The following PSD3 variants were observed in gnomAD, a reference collection of about 807,000 sequenced individuals.
The protein encoded by PSD3 is pleckstrin and Sec7 domain containing 3.
Under a neutral mutation model 105.5 loss-of-function variants are expected in PSD3, and 49 were observed. The observed-to-expected ratio is 0.46, with a 90% CI of 0.37 to 0.59. The LOEUF is 0.59. Among genes scored for constraint, PSD3 ranks in the 20% least tolerant of loss-of-function variants. The pLI is 0.00. For synonymous variants in PSD3, 557 were observed against 457.8 expected (o/e 1.22, Z -2.77); for missense variants, 1,561 against 1,263.8 (o/e 1.24, Z -3.57).
chr8:18,728,445 C>T (rs1025962844), intron 9 of PSD3, among the ~76,000 whole-genome samples: 4 of 152,108 alleles, frequency 2.6e-5, no homozygotes, highest in Admixed American at 2.0e-4. Context: ...GGACAGCTAA[C>T]GGAAGACTTG....
At chr8:18,984,093 A>G in intron 1 of PSD3, among the ~76,000 whole-genome samples, 1 of 151,532 alleles carries the variant, frequency 6.6e-6, no homozygotes, top group East Asian at 1.9e-4. Context: ...AAATATCGCA[A>G]GAATTACAAA....
At chr8:18,675,136 T>C (rs1398545906) in intron 9 of PSD3, among the ~76,000 whole-genome samples, 1 of 152,206 alleles carries the variant, frequency 6.6e-6, no homozygotes, top group Non-Finnish European at 1.5e-5. Flanking sequence ...TACGTCTAGT[T>C]AGGTAGGACC....
intron 1 of PSD3, among the ~76,000 whole-genome samples, chr8:19,022,995 A>T (rs1468636761): frequency 6.6e-6 from 1 of 151,924 alleles, no homozygotes; most frequent in East Asian, 1.9e-4. Context: ...ATCTTCTCAT[A>T]CTTCTTAGCT....
intron 4 of PSD3, among the ~76,000 whole-genome samples, chr8:18,857,114 G>T (rs1816073031): frequency 6.6e-6 from 1 of 152,168 alleles, no homozygotes; most frequent in South Asian, 2.1e-4. Flanking sequence ...CAGGTTCACA[G>T]CCAGGAGCAC....
chr8:18,543,362 C>CCCAG (rs2129993212), intron 15 of PSD3, among the ~76,000 whole-genome samples: 1 of 152,286 alleles, frequency 6.6e-6, no homozygotes, highest in South Asian at 2.1e-4. Flanking sequence ...CACCTGTAAT[C>CCCAG]CCAGCACTTT....
intron 15 of PSD3, among the ~76,000 whole-genome samples, chr8:18,552,868 C>T (rs931859419): frequency 1.3e-5 from 2 of 152,150 alleles, no homozygotes; most frequent in Admixed American, 6.5e-5. Context: ...AGAGCCCATT[C>T]TGAGTAAAGT....
intron 1 of PSD3, among the ~76,000 whole-genome samples, chr8:19,030,708 C>T (rs182165566): frequency 8.3e-4 from 126 of 152,220 alleles, no homozygotes; most frequent in Non-Finnish European, 1.2e-3. Context: ...TTTTTAATTA[C>T]CGTTTATCAT....
rs796441059 is a variant in PSD3 at position 18,997,907 on chromosome 8, T to G, written c.21+15656A>C. Among the ~76,000 whole-genome samples, 36 of 152,166 alleles carry G rather than the reference T, an allele frequency of 2.4e-4. 1 individual carries two copies. Among genetic ancestry groups the G allele is most frequent in the African/African-American group, 8.7e-4 (36 of 41,500 alleles). On this transcript the variant is annotated intron_variant, in intron 1 of 15. Transcript: ENST00000327040. ...TATTTTTCCCTGAAGGGCTTCACAC[T>G]GTCAACATACTACACACACGCACAT... is the stretch of plus-strand genomic sequence containing the variant.
At chr8:18,783,060 A>C (rs1027972733) in intron 8 of PSD3, among the ~76,000 whole-genome samples, 1 of 152,162 alleles carries the variant, frequency 6.6e-6, no homozygotes, top group Non-Finnish European at 1.5e-5. Flanking sequence ...GAAGGGTGTA[A>C]AAAAACTGAT....
At chr8:18,712,869 C>T (rs1802340393) in intron 9 of PSD3, among the ~76,000 whole-genome samples, 1 of 152,094 alleles carries the variant, frequency 6.6e-6, no homozygotes, top group African/African-American at 2.4e-5. Flanking sequence ...TGGTGAACAC[C>T]AGTGCAAAAA....
chr8:18,651,145 T>C (rs1808442988), intron 10 of PSD3, among the ~76,000 whole-genome samples: 1 of 152,210 alleles, frequency 6.6e-6, no homozygotes, highest in Non-Finnish European at 1.5e-5. Flanking sequence ...TCAGCTGAAC[T>C]AGGCATAATA....
chr8:18,711,408 G>C (rs1214402699), intron 9 of PSD3, among the ~76,000 whole-genome samples: 3 of 152,150 alleles, frequency 2.0e-5, no homozygotes, highest in South Asian at 2.1e-4. Flanking sequence ...CACACGCAAA[G>C]ACACAATAGG....
At chr8:18,955,524 C>G (rs1282840518) in intron 1 of PSD3, among the ~76,000 whole-genome samples, 1 of 152,036 alleles carries the variant, frequency 6.6e-6, no homozygotes, top group Non-Finnish European at 1.5e-5. Context: ...CAATTTTTTA[C>G]TATTATAGTG....
At chr8:18,754,059 C>G (rs1191297705) in intron 9 of PSD3, among the ~76,000 whole-genome samples, 2 of 152,134 alleles carry the variant, frequency 1.3e-5, no homozygotes, top group Non-Finnish European at 2.9e-5. Context: ...AATTCATGGC[C>G]AAACTGAGAA....
chr8:19,009,009 A>C (rs1042997413), intron 1 of PSD3, among the ~76,000 whole-genome samples: 1 of 152,248 alleles, frequency 6.6e-6, no homozygotes, highest in African/African-American at 2.4e-5. Flanking sequence ...ATTAAATTAG[A>C]AATTAAAAAG....
intron 2 of PSD3, chr8:18,924,607 A>C (rs546151952): frequency 9.9e-5 from 15 of 152,186 alleles, no homozygotes; most frequent in African/African-American, 3.4e-4. Flanking sequence ...TAAAGCAATA[A>C]CTCGTAGGTT....
chr8:18,601,879 C>T (rs117495182), intron 11 of PSD3, among the ~76,000 whole-genome samples: 2,172 of 152,280 alleles, frequency 0.014, 60 homozygotes, highest in South Asian at 0.016. Context: ...CAGAGCAGGG[C>T]CTCAGGTGGC....
At chr8:18,689,759 A>G (rs1024556952) in intron 9 of PSD3, among the ~76,000 whole-genome samples, 1 of 152,186 alleles carries the variant, frequency 6.6e-6, no homozygotes, top group Non-Finnish European at 1.5e-5. Context: ...GTAGCCCAAC[A>G]TATTCAAGAG....
chr8:18,864,223 C>T (rs1335480864), intron 4 of PSD3, among the ~76,000 whole-genome samples: 1 of 152,220 alleles, frequency 6.6e-6, no homozygotes, highest in Non-Finnish European at 1.5e-5. Flanking sequence ...AGAGCACGGG[C>T]TCTGGAGGCT....
Sources: gnomAD v4.1 joint callset for allele counts (sites outside exome capture counted in the v4.1 genomes callset) on GRCh38, gnomAD v4.1.1 for gene constraint, MANE v1.5 for transcripts, NCBI Gene and HGNC (gene_info 2026-07-23, HGNC 2026-07-21) for gene names.